DLGAP5: variants seen among roughly 807,000 people sequenced by gnomAD.
The protein encoded by DLGAP5 is DLG associated protein 5.
Under a neutral mutation model 99.6 loss-of-function variants are expected in DLGAP5, and 90 were observed. The observed-to-expected ratio is 0.90, with a 90% CI of 0.76 to 1.08. The LOEUF is 1.08. Ranked by LOEUF, DLGAP5 falls within the 50% of genes least tolerant of loss-of-function variation. The probability of loss-of-function intolerance (pLI) is 0.00; values close to 1 mark genes in which losing one functional copy is unlikely to be tolerated. For missense variants in DLGAP5, 1,036 were observed against 983.5 expected, an observed-to-expected ratio of 1.05 and a Z score of -0.71; for synonymous variants, 311 against 321.3, an observed-to-expected ratio of 0.97 and a Z score of 0.34.
At chr14:55,156,298 T>A (rs1345575166) in intron 14 of DLGAP5, among the ~76,000 whole-genome samples, 2 of 152,000 alleles carry the variant, frequency 1.3e-5, no homozygotes, top group East Asian at 3.9e-4. Context: ...CCCACCCCCA[T>A]CACCAAAAAC....
intron 7 of DLGAP5, among the ~76,000 whole-genome samples, chr14:55,178,040 C>CGGGAGGATCACAAGGTT (rs1210583282): frequency 6.7e-6 from 1 of 149,860 alleles, no homozygotes; most frequent in Non-Finnish European, 1.5e-5. Context: ...ATCACAAGGT[C>CGGGAGGATCACAAGGTT]GGGAGATCGA....
intron 3 of DLGAP5, among the ~76,000 whole-genome samples, chr14:55,183,022 AGCTTCTCTCTGCTTTT>A (rs1322409820): frequency 6.6e-6 from 1 of 152,020 alleles, no homozygotes; most frequent in Non-Finnish European, 1.5e-5. Context: ...TTAGCAGCAG[AGCTTCTCTCTGCTTTT>A]TCAATTTCCT....
chr14:55,173,491 G>A (rs1028316002), intron 10 of DLGAP5, among the ~76,000 whole-genome samples: 1 of 151,994 alleles, frequency 6.6e-6, no homozygotes, highest in African/African-American at 2.4e-5. Context: ...CAAATGAATA[G>A]TAAAACTATA....
At position 55,183,630 on chromosome 14, in the gene DLGAP5, C is replaced by T; in HGVS notation, c.362G>A (p.Gly121Asp). The T allele has an allele frequency of 6.2e-7, 1 of 1,610,314 alleles. No individual in the cohort carries two copies. The highest frequency in any genetic ancestry group is 8.5e-7 in the Non-Finnish European group (1 of 1,179,018). ...EKAKRGIFKV[G>D]RYRPDMPCFL... ...ACAAGGCATATCAGGTCTATAACGA[C>T]CCACTTTAAATATTCCTCGTTTAGC... Residue 121 changes from glycine (G) to aspartate (D), a missense_variant, in exon 3 of 19, where the codon GGT (glycine) becomes GAT (aspartate). Coordinates refer to ENST00000247191, the MANE Select transcript of DLGAP5 (RefSeq NM_014750.5).
intron 12 of DLGAP5, among the ~76,000 whole-genome samples, chr14:55,165,875 AG>A (rs970294620): frequency 7.9e-5 from 12 of 152,162 alleles, no homozygotes; most frequent in South Asian, 2.1e-4. Flanking sequence ...ACTGCTGATA[AG>A]GGGGGGCTAC....
intron 14 of DLGAP5, among the ~76,000 whole-genome samples, 158 bp from the exon 15 acceptor site, chr14:55,154,964 A>C (rs1882156804): frequency 6.6e-6 from 1 of 152,212 alleles, no homozygotes; most frequent in Non-Finnish European, 1.5e-5. Context: ...GATAGTATTT[A>C]AATGCATATT....
At chr14:55,163,199 C>T (rs1434729488) in intron 12 of DLGAP5, 124 bp from the exon 13 acceptor site, 2 of 460,044 alleles carry the variant, frequency 4.3e-6, no homozygotes, top group Admixed American at 8.4e-5. Flanking sequence ...TAAAACTGGA[C>T]TGAGTCATTC....
chr14:55,156,835 AT>A (rs1263673732), intron 14 of DLGAP5, among the ~76,000 whole-genome samples: 2 of 152,260 alleles, frequency 1.3e-5, no homozygotes, highest in African/African-American at 4.8e-5. Flanking sequence ...CAAGTGCAGA[AT>A]GTTATAAAAT....
intron 15 of DLGAP5, among the ~76,000 whole-genome samples, chr14:55,152,965 A>G (rs574101633): frequency 4.6e-5 from 7 of 152,342 alleles, no homozygotes; most frequent in African/African-American, 1.7e-4. Flanking sequence ...AAAGTCAAAA[A>G]GAAGGTGACT....
intron 14 of DLGAP5, among the ~76,000 whole-genome samples, chr14:55,155,572 TCCTG>T (rs1882186979): frequency 6.6e-6 from 1 of 151,646 alleles, no homozygotes; most frequent in Non-Finnish European, 1.5e-5. Flanking sequence ...GGTCTCGAAC[TCCTG>T]ACCTCAGGTG....
rs1363530745 is a variant in DLGAP5, at chr14:55,161,497, C to T, written c.1653+1474G>A. On this transcript the variant is annotated intron_variant, in intron 13 of 18. Coordinates refer to ENST00000247191, the MANE Select transcript of DLGAP5 (RefSeq NM_014750.5). ...TGATCTCAGCTCACCACAACCTCTG[C>T]CTCCCAGGATCAAGTGATTCTCCTG... 3.3e-5 allele frequency among the ~76,000 whole-genome samples: 5 copies of T among 149,430 alleles called. No individual in the cohort carries two copies. In the South Asian group the frequency reaches 6.3e-4, roughly 19 times the overall value.
chr14:55,177,227 T>C lies in DLGAP5; in HGVS notation c.884A>G (p.Glu295Gly). 1 of 1,613,656 alleles carries C rather than the reference T, an allele frequency of 6.2e-7. No individual in the cohort carries two copies. Among genetic ancestry groups the C allele is most frequent in the South Asian group, 1.1e-5 (1 of 90,964 alleles). The change falls in exon 8 of 19, where the codon GAG becomes GGG. Residue 295 changes from glutamate (E) to glycine (G), a missense_variant. Transcript: ENST00000247191. ...CCCTTTTATTTTTGCAGTATTTATC[T>C]CAGGTAAGTTTTCCATTTTTGATAA... Reference protein sequence around the residue: ...GVLSKMENLPEINTAKIKGKN... With the variant: ...GVLSKMENLPGINTAKIKGKN...
chr14:55,175,204 CAA>C, intron 10 of DLGAP5, 140 bp downstream of exon 10: 1 of 696,542 alleles, frequency 1.4e-6, no homozygotes, highest in African/African-American at 1.9e-5. Context: ...TACTAGTTAT[CAA>C]AAAAATAATT....
Position 55,149,285 on chromosome 14 carries a change from G to C in DLGAP5, c.2419-812C>G, listed in dbSNP as rs1348614010. 3.3e-5 allele frequency among the ~76,000 whole-genome samples: 5 copies of C among 152,234 alleles called. No homozygotes were observed. The South Asian group carries it at 1.0e-3, about 32-fold the overall frequency. ...CGATCTGGGAACAGGGTTAAATCAGGTTTACATAAGTTGGCTTTATGCTGA... is the reference window on the plus strand; with the variant it reads ...CGATCTGGGAACAGGGTTAAATCAGCTTTACATAAGTTGGCTTTATGCTGA... On this transcript the variant is annotated intron_variant, in intron 18 of 18. Transcript: ENST00000247191.
chr14:55,158,428 T>C, intron 14 of DLGAP5, 94 bp downstream of exon 14: 1 of 1,048,478 alleles, frequency 9.5e-7, no homozygotes, highest in Non-Finnish European at 1.4e-6. Context: ...TAAAAAACTA[T>C]TTTTCACCTT....
At chr14:55,167,922 A>C (rs1221852313) in intron 12 of DLGAP5, among the ~76,000 whole-genome samples, 1 of 152,186 alleles carries the variant, frequency 6.6e-6, no homozygotes, top group Non-Finnish European at 1.5e-5. Flanking sequence ...TAATTATGTA[A>C]GTTGCTGTGG....
intron 7 of DLGAP5, among the ~76,000 whole-genome samples, chr14:55,178,079 C>T (rs1416229399): frequency 2.0e-5 from 3 of 151,352 alleles, no homozygotes; most frequent in Non-Finnish European, 4.4e-5. Flanking sequence ...AGCAAAACCC[C>T]GTCTTTGCTA....
chr14:55,156,072 TAG>T (rs1320554599), intron 14 of DLGAP5, among the ~76,000 whole-genome samples: 1 of 150,292 alleles, frequency 6.7e-6, no homozygotes, highest in Non-Finnish European at 1.5e-5. Flanking sequence ...GCCTGGGCAA[TAG>T]AGTGAGACTC....
chr14:55,149,889 T>C (rs1473364241), intron 18 of DLGAP5, among the ~76,000 whole-genome samples: 1 of 151,200 alleles, frequency 6.6e-6, no homozygotes, highest in African/African-American at 2.4e-5. Flanking sequence ...GCATCTCTAC[T>C]AAAAAATACA....
Sources: allele counts gnomAD v4.1 joint callset (sites outside exome capture counted in the v4.1 genomes callset), GRCh38; gene constraint gnomAD v4.1.1; transcripts MANE v1.5; gene names NCBI Gene and HGNC (gene_info 2026-07-23, HGNC 2026-07-21).